Variants in SETBP1 observed in about 807,000 individuals in gnomAD.
The protein encoded by SETBP1 is SET-binding protein.
A neutral mutation model predicts 101.0 loss-of-function variants in SETBP1; 9 were observed. That is an observed-to-expected ratio of 0.09 (90% confidence interval 0.05 to 0.16). SETBP1 has a LOEUF of 0.16. SETBP1 is among the 10% of genes least tolerant of loss of function. SETBP1 has a pLI of 1.00. For synonymous variants in SETBP1, 818 were observed against 788.5 expected (o/e 1.04, Z -0.63); for missense variants, 1,858 against 2,033.8 (o/e 0.91, Z 1.66).
chr18:44,924,651 G>T (rs2070658017), intron 3 of SETBP1, among the ~76,000 whole-genome samples: 1 of 152,136 alleles, frequency 6.6e-6, no homozygotes, highest in Non-Finnish European at 1.5e-5. Context: ...AGTCAAATTT[G>T]CTAATATGGC....
chr18:44,811,866 A>T (rs573376096), intron 2 of SETBP1, among the ~76,000 whole-genome samples: 1 of 152,194 alleles, frequency 6.6e-6, no homozygotes, highest in Non-Finnish European at 1.5e-5. Flanking sequence ...GTTGGTCTCA[A>T]TGCTGACACT....
chr18:44,720,487 G>C (rs923969550), intron 2 of SETBP1, among the ~76,000 whole-genome samples: 1 of 152,206 alleles, frequency 6.6e-6, no homozygotes, highest in African/African-American at 2.4e-5. Flanking sequence ...GGAATGAAGA[G>C]AGGAACCACA....
At chr18:44,739,401 G>A (rs2070048861) in intron 2 of SETBP1, among the ~76,000 whole-genome samples, 1 of 152,100 alleles carries the variant, frequency 6.6e-6, no homozygotes, top group South Asian at 2.1e-4. Context: ...TTATCTCCTT[G>A]ATCTGTGACT....
intron 2 of SETBP1, among the ~76,000 whole-genome samples, chr18:44,787,635 A>G (rs2071266566): frequency 6.7e-6 from 1 of 150,226 alleles, no homozygotes; most frequent in African/African-American, 2.5e-5. Context: ...CGGGTGGATC[A>G]TGAGGTCAGG....
chr18:44,890,270 G>T (rs1410797250), intron 3 of SETBP1, among the ~76,000 whole-genome samples: 1 of 152,004 alleles, frequency 6.6e-6, no homozygotes, highest in Non-Finnish European at 1.5e-5. Flanking sequence ...CACCCCCAAG[G>T]ATGTTTTGTT....
chr18:44,808,642 C>CA (rs1190044138), intron 2 of SETBP1, among the ~76,000 whole-genome samples: 1 of 152,156 alleles, frequency 6.6e-6, no homozygotes. Flanking sequence ...TGGTGAGCTG[C>CA]AGGAGGAACC....
intron 2 of SETBP1, among the ~76,000 whole-genome samples, chr18:44,825,960 A>G (rs771791973): frequency 6.6e-6 from 1 of 152,216 alleles, no homozygotes; most frequent in Non-Finnish European, 1.5e-5. Flanking sequence ...TCATCTGCTA[A>G]TAAAGAGTGA....
intron 3 of SETBP1, among the ~76,000 whole-genome samples, chr18:44,879,089 C>A (rs1298390764): frequency 2.0e-5 from 3 of 152,178 alleles, no homozygotes; most frequent in African/African-American, 7.2e-5. Flanking sequence ...ATGGGTGACC[C>A]AAGCCAATGA....
intron 2 of SETBP1, among the ~76,000 whole-genome samples, chr18:44,854,862 G>A (rs147905550): frequency 1.8e-4 from 27 of 152,052 alleles, no homozygotes; most frequent in African/African-American, 6.5e-4. Flanking sequence ...TGGCTCTTAC[G>A]TGATGTGGCC....
intron 2 of SETBP1, among the ~76,000 whole-genome samples, chr18:44,834,987 G>A (rs2144487397): frequency 6.6e-6 from 1 of 152,250 alleles, no homozygotes; most frequent in Admixed American, 6.5e-5. Context: ...AGTATGAGGT[G>A]GGACAGACAG....
At chr18:44,912,706 C>T (rs184673227) in intron 3 of SETBP1, among the ~76,000 whole-genome samples, 3 of 152,076 alleles carry the variant, frequency 2.0e-5, no homozygotes, top group Non-Finnish European at 4.4e-5. Context: ...CGTGAGCCAC[C>T]GTGCCTGGCC....
intron 3 of SETBP1, among the ~76,000 whole-genome samples, chr18:44,935,122 C>G (rs927617270): frequency 1.4e-4 from 22 of 152,204 alleles, no homozygotes. Flanking sequence ...GCTCTGCCCA[C>G]CAGCCTCTGT....
At chr18:44,923,939 T>C (rs1451641235) in intron 3 of SETBP1, among the ~76,000 whole-genome samples, 1 of 151,848 alleles carries the variant, frequency 6.6e-6, no homozygotes, top group Admixed American at 6.6e-5. Context: ...TGCTTAAGGG[T>C]AAAGAGAATG....
chr18:45,028,519 T>C (rs993322193), intron 4 of SETBP1, among the ~76,000 whole-genome samples: 1 of 152,180 alleles, frequency 6.6e-6, no homozygotes, highest in Non-Finnish European at 1.5e-5. Context: ...CCTTTGGGTA[T>C]ATACCCAGTA....
chr18:45,051,191 G>A (rs1599496930), intron 5 of SETBP1, among the ~76,000 whole-genome samples: 1 of 152,108 alleles, frequency 6.6e-6, no homozygotes, highest in East Asian at 1.9e-4. Flanking sequence ...AAGCCACATG[G>A]TGTATGAGCC....
chr18:44,721,931 C>T (rs910823066), intron 2 of SETBP1, among the ~76,000 whole-genome samples: 13 of 150,314 alleles, frequency 8.6e-5, no homozygotes, highest in African/African-American at 3.2e-4. Flanking sequence ...TGTTCAGGCT[C>T]CCCACCGAAG....
chr18:44,780,747 A>C (rs1464991858), intron 2 of SETBP1, among the ~76,000 whole-genome samples: 5 of 152,238 alleles, frequency 3.3e-5, no homozygotes, highest in African/African-American at 4.8e-5. Flanking sequence ...AGACCTTAAC[A>C]AGGCAATATA....
intron 4 of SETBP1, among the ~76,000 whole-genome samples, chr18:45,018,096 C>A (rs1435688327): frequency 6.6e-6 from 1 of 152,144 alleles, no homozygotes; most frequent in Admixed American, 6.5e-5. Context: ...AACATCTGGG[C>A]TACAGATTTT....
At chr18:44,863,564 G>T (rs2069062455) in intron 2 of SETBP1, among the ~76,000 whole-genome samples, 1 of 152,196 alleles carries the variant, frequency 6.6e-6, no homozygotes, top group African/African-American at 2.4e-5. Context: ...GCCAAAGTAA[G>T]AAGTGAGTAA....
Sources: gnomAD v4.1 joint callset for allele counts (sites outside exome capture counted in the v4.1 genomes callset) on GRCh38, gnomAD v4.1.1 for gene constraint, MANE v1.5 for transcripts, NCBI Gene and HGNC (gene_info 2026-07-23, HGNC 2026-07-21) for gene names.